The following CFAP20DC variants were observed in gnomAD, a reference collection of about 807,000 sequenced individuals.
CFAP20DC encodes the protein protein CFAP20DC.
In CFAP20DC, 84 loss-of-function variants were observed where a neutral mutation model predicts 101.7. That is an observed-to-expected ratio of 0.83 (90% CI 0.69 to 0.99). The LOEUF is 0.99. CFAP20DC is among the 50% of genes least tolerant of loss of function. CFAP20DC has a pLI of 0.00. For synonymous variants in CFAP20DC, 359 were observed against 351.2 expected, an observed-to-expected ratio of 1.02 and a Z score of -0.25; for missense variants, 1,007 against 970.3, an observed-to-expected ratio of 1.04 and a Z score of -0.50.
chr3:58,822,091 A>G (rs2075696964), intron 14 of CFAP20DC, among the ~76,000 whole-genome samples: 1 of 137,128 alleles, frequency 7.3e-6, no homozygotes. Flanking sequence ...TGGGAATTGA[A>G]CAATGAGATC....
rs1449287079 is a variant in CFAP20DC, at chr3:58,820,793, C to T, written c.2175+10893G>A. 1.8e-3 allele frequency among the ~76,000 whole-genome samples: 267 copies of T among 147,314 alleles called. 3 individuals are homozygous for T. The highest frequency in any genetic ancestry group is 6.8e-3 in the African/African-American group (261 of 38,548). ...TTCTTCACAGAATTGGAAAAAACTA[C>T]TTTAAAGTTCATATGGAACCAAAAA... On this transcript the variant is annotated intron_variant, in intron 14 of 16. Transcript: ENST00000482387.
intron 6 of CFAP20DC, among the ~76,000 whole-genome samples, chr3:58,904,016 C>T (rs1456105903): frequency 6.6e-6 from 1 of 152,134 alleles, no homozygotes; most frequent in African/African-American, 2.4e-5. Flanking sequence ...AATTTCAGAT[C>T]AACTTTTCCA....
chr3:58,824,230 T>G (rs2075884213), intron 14 of CFAP20DC, among the ~76,000 whole-genome samples: 1 of 152,200 alleles, frequency 6.6e-6, no homozygotes, highest in Admixed American at 6.5e-5. Flanking sequence ...GAGAAGTTAA[T>G]GAATCTGTAG....
At chr3:59,016,686 A>G (rs137902244) in intron 4 of CFAP20DC, among the ~76,000 whole-genome samples, 103 of 152,182 alleles carry the variant, frequency 6.8e-4, no homozygotes, top group African/African-American at 2.4e-3. Flanking sequence ...AAAGGTTTAA[A>G]AACAGTTTTT....
At chr3:59,011,756 A>C (rs1283194990) in intron 4 of CFAP20DC, among the ~76,000 whole-genome samples, 1 of 152,192 alleles carries the variant, frequency 6.6e-6, no homozygotes, top group Non-Finnish European at 1.5e-5. Context: ...AAAACAGGAG[A>C]TATTACAACC....
rs1238460450 is a variant in CFAP20DC, at chr3:59,007,913, C to T, written c.278+31644G>A. Among the ~76,000 whole-genome samples, 8 of 152,176 alleles carry T rather than the reference C, an allele frequency of 5.3e-5. No individual in the cohort carries two copies. The highest frequency in any genetic ancestry group is 5.2e-4 in the Admixed American group (8 of 15,284). On this transcript the variant is annotated intron_variant, in intron 4 of 16. Transcript: ENST00000482387. This position sits in a 1 kb window ranked among gnomAD's most constrained non-coding sequence, Gnocchi z 4.4. ...TCCACTGGTAGGTAGTTTCTCATAG[C>T]AGAGAAACAATTGCAATGTGGGGAG...
Position 58,752,704 on chromosome 3 carries a change from T to G in CFAP20DC, c.2332+1065A>C, listed in dbSNP as rs867677201. On this transcript the variant is annotated intron_variant, in intron 16 of 16. Coordinates refer to ENST00000482387, the MANE Select transcript of CFAP20DC (RefSeq NM_001394063.1). ...CCCAATTTGAGGGGCATAATCTATTTTAGATAATAAATCACAGAGACATCT... is the reference window on the plus strand; with the variant it reads ...CCCAATTTGAGGGGCATAATCTATTGTAGATAATAAATCACAGAGACATCT... 2.4e-4 allele frequency among the ~76,000 whole-genome samples: 36 copies of G among 152,254 alleles called. No individual in the cohort carries two copies. In the Middle Eastern group the frequency reaches 0.01, roughly 43 times the overall value.
chr3:58,725,283 C>A (rs974981576), intron 3 of CFAP20DC, among the ~76,000 whole-genome samples: 5 of 152,210 alleles, frequency 3.3e-5, no homozygotes, highest in Non-Finnish European at 7.3e-5. Flanking sequence ...CTGGCCACAG[C>A]CCATACTATC....
At chr3:58,856,497 C>G (rs1232213666) in intron 12 of CFAP20DC, among the ~76,000 whole-genome samples, 1 of 152,140 alleles carries the variant, frequency 6.6e-6, no homozygotes, top group African/African-American at 2.4e-5. Context: ...ACTGGGCAAC[C>G]CTCTCTGCTG....
chr3:58,904,107 T>C (rs2083389757), intron 6 of CFAP20DC, among the ~76,000 whole-genome samples: 1 of 152,154 alleles, frequency 6.6e-6, no homozygotes, highest in East Asian at 1.9e-4. Flanking sequence ...TTCTAATCCA[T>C]GCATGTGAGA....
At chr3:58,827,829 C>T (rs1575792396) in intron 14 of CFAP20DC, among the ~76,000 whole-genome samples, 1 of 152,184 alleles carries the variant, frequency 6.6e-6, no homozygotes, top group East Asian at 1.9e-4. Flanking sequence ...AGTAGCCAGC[C>T]TAGTTCACAG....
At chr3:58,739,939 T>C (rs535655408), downstream of CFAP20DC, among the ~76,000 whole-genome samples, 56 of 152,292 alleles carry the variant, frequency 3.7e-4, no homozygotes, top group African/African-American at 1.2e-3. Context: ...ACCTTTAGAA[T>C]GTCTACTCAG....
At chr3:58,797,015 T>C (rs1575664644) in intron 15 of CFAP20DC, among the ~76,000 whole-genome samples, 1 of 152,032 alleles carries the variant, frequency 6.6e-6, no homozygotes, top group Middle Eastern at 3.4e-3. Flanking sequence ...ATTCATCCCA[T>C]CTCTCTCTCC....
chr3:58,818,204 C>T (rs1437202626), intron 14 of CFAP20DC, among the ~76,000 whole-genome samples: 1 of 151,804 alleles, frequency 6.6e-6, no homozygotes, highest in Non-Finnish European at 1.5e-5. Context: ...ATGTAAAGAC[C>T]ATCGAGACTA....
rs546662516 is a variant in CFAP20DC at position 58,751,209 on chromosome 3, G to A, written c.2332+2560C>T. Among the ~76,000 whole-genome samples, 8 of 152,216 alleles carry A rather than the reference G, an allele frequency of 5.3e-5. No individual in the cohort carries two copies. In the South Asian group the frequency reaches 1.7e-3, roughly 32 times the overall value. ...CTGACAGTCTCCTAAAAACTCAGAG[G>A]CTACTTAGGAGGAAAGACAATAAAC... On this transcript the variant is annotated intron_variant, in intron 16 of 16. Coordinates refer to ENST00000482387, the MANE Select transcript of CFAP20DC (RefSeq NM_001394063.1).
rs10049052 is a variant in CFAP20DC, at chr3:58,762,736, G to A, written c.2238-8873C>T. ...GAGCTCTTTTAGGGCAGACCTGGTG[G>A]TGACAAAATCTCTCAGCATTTGCTT... On this transcript the variant is annotated intron_variant, in intron 15 of 16. Coordinates refer to ENST00000482387, the MANE Select transcript of CFAP20DC (RefSeq NM_001394063.1). Among the ~76,000 whole-genome samples, 1,501 of 152,262 alleles carry A rather than the reference G, an allele frequency of 9.9e-3. 23 individuals carry two copies. Among genetic ancestry groups the A allele is most frequent in the African/African-American group, 0.035 (1,451 of 41,528 alleles).
intron 6 of CFAP20DC, among the ~76,000 whole-genome samples, chr3:58,890,261 C>T (rs2082056275): frequency 6.7e-6 from 1 of 148,806 alleles, no homozygotes; most frequent in African/African-American, 2.5e-5. Context: ...GGCCGCCGGG[C>T]AGAGGCACCC....
At chr3:58,757,263 G>A (rs1051753095) in intron 15 of CFAP20DC, among the ~76,000 whole-genome samples, 1 of 152,048 alleles carries the variant, frequency 6.6e-6, no homozygotes, top group Non-Finnish European at 1.5e-5. Flanking sequence ...TATGAGAGGT[G>A]AGAACTGATA....
At chr3:58,938,619 T>C (rs530090064) in intron 4 of CFAP20DC, among the ~76,000 whole-genome samples, 20 of 152,168 alleles carry the variant, frequency 1.3e-4, no homozygotes, top group Non-Finnish European at 2.6e-4. Flanking sequence ...GAAGACAACA[T>C]CTCATTCAAA....
Sources: gnomAD v4.1 joint callset for allele counts (sites outside exome capture counted in the v4.1 genomes callset) on GRCh38, gnomAD v4.1.1 for gene constraint, Gnocchi (gnomAD v3.1) non-coding constraint, MANE v1.5 for transcripts, NCBI Gene and HGNC (gene_info 2026-07-23, HGNC 2026-07-21) for gene names.